TTC19: variants seen among roughly 807,000 people sequenced by gnomAD.
The protein encoded by TTC19 is tetratricopeptide repeat protein 19, mitochondrial.
Under a neutral mutation model 49.5 loss-of-function variants are expected in TTC19, and 38 were observed. That is an observed-to-expected ratio of 0.77 (90% CI 0.59 to 1.01). The LOEUF (loss-of-function observed/expected upper bound fraction) is 1.01. TTC19 is among the 50% of genes least tolerant of loss of function. The pLI, the probability that TTC19 is intolerant of heterozygous loss-of-function variation, is 0.00. For synonymous variants in TTC19, 204 were observed against 185.2 expected (o/e 1.10, Z -0.83); for missense variants, 475 against 477.7 (o/e 0.99, Z 0.05).
chr17:16,015,726 A>G (rs2151665568), intron 7 of TTC19, among the ~76,000 whole-genome samples: 1 of 152,280 alleles, frequency 6.6e-6, no homozygotes, highest in East Asian at 1.9e-4. Flanking sequence ...CTTCCTTATC[A>G]ATAAAATGAA....
intron 7 of TTC19, among the ~76,000 whole-genome samples, chr17:16,010,167 ATTTTT>A (rs1201745186): frequency 0.11 from 12,137 of 107,766 alleles, 473 homozygotes; most frequent in African/African-American, 0.33. Context: ...TTAATTTTTA[ATTTTT>A]TTTTTTTTTT....
In TTC19 at chr17:16,006,403, TC is replaced by T. The variant is rs1308560331; in HGVS notation, c.582-69del. On this transcript the variant is annotated intron_variant, in intron 6 of 9. Coordinates refer to ENST00000261647, the MANE Select transcript of TTC19 (RefSeq NM_017775.4). ...CCAGCCTGGGCAACAAGAGCGAAAC[TC>T]CATCTCAACAGAAGGAAGAAAAAAA... 5.2e-6 allele frequency: 6 copies of T among 1,147,742 alleles called. No homozygotes were observed. The African/African-American group carries it at 9.2e-5, about 18-fold the overall frequency. 71.1% of individuals were successfully genotyped at this position (1,147,742 alleles called of 1,614,324 possible).
At chr17:16,039,057 C>T (rs187619373) in intron 2 of TTC19, among the ~76,000 whole-genome samples, 31 of 152,342 alleles carry the variant, frequency 2.0e-4, no homozygotes, top group Admixed American at 9.1e-4. Context: ...GCGTGAACCA[C>T]CGCACCCGGC....
At chr17:16,038,435 CT>C (rs34997322) in intron 2 of TTC19, among the ~76,000 whole-genome samples, 84,828 of 149,330 alleles carry the variant, frequency 0.57, 24,353 homozygotes, top group African/African-American at 0.63. Flanking sequence ...TTTTCCTACT[CT>C]TTTTTTTTTT....
At chr17:16,020,406 A>G (rs1244170206) in intron 7 of TTC19, among the ~76,000 whole-genome samples, 1 of 151,938 alleles carries the variant, frequency 6.6e-6, no homozygotes, top group Non-Finnish European at 1.5e-5. Context: ...GTATTCGATC[A>G]TTTTGTATTT....
Position 16,000,195 on chromosome 17 carries a change from G to C in TTC19, c.262G>C (p.Gly88Arg), listed in dbSNP as rs761879345. The C allele has an allele frequency of 3.8e-6, 6 of 1,594,038 alleles. No homozygotes were observed. Among genetic ancestry groups the C allele is most frequent in the East Asian group, 2.2e-5 (1 of 44,834 alleles). Residue 88 changes from glycine (G) to arginine (R), a missense_variant, in exon 2 of 10, where the codon GGG (glycine) becomes CGG (arginine). Physicochemically the swap from Gly to Arg is moderately radical, Grantham distance 125. Transcript: ENST00000261647. ...QGADGAAAED[G>R]ADEAEAEIIQ... The stretch of plus-strand genomic sequence containing the variant: ...AGCCGACGGGGCCGCTGCCGAGGAC[G>C]GGGCGGACGAGGCCGAGGCAGAGAT...
chr17:16,002,867 A>T, intron 4 of TTC19, 36 bp downstream of exon 4: 1 of 1,595,756 alleles, frequency 6.3e-7, no homozygotes, highest in Non-Finnish European at 8.6e-7. Context: ...TGAATTTATG[A>T]AGGAGTAGCT....
At chr17:16,022,944 A>G (rs573507588) in intron 7 of TTC19, among the ~76,000 whole-genome samples, 4 of 152,108 alleles carry the variant, frequency 2.6e-5, no homozygotes, top group Non-Finnish European at 4.4e-5. Flanking sequence ...ATTCCAATAT[A>G]TTTCTCAGTT....
intron 2 of TTC19, among the ~76,000 whole-genome samples, chr17:16,001,560 C>T (rs1970734462): frequency 6.6e-6 from 1 of 152,174 alleles, no homozygotes; most frequent in Non-Finnish European, 1.5e-5. Context: ...TAGCTCTTAT[C>T]ATTAGTTGTA....
intron 2 of TTC19, chr17:16,034,702 TAA>T: frequency 7.1e-7 from 1 of 1,417,894 alleles, no homozygotes; most frequent in Non-Finnish European, 9.7e-7. Flanking sequence ...TTTGAAGAAC[TAA>T]TAACCAAGAC....
intron 6 of TTC19, among the ~76,000 whole-genome samples, chr17:16,005,305 C>T (rs1256275411): frequency 6.6e-6 from 1 of 152,210 alleles, no homozygotes; most frequent in Non-Finnish European, 1.5e-5. Context: ...GGAGCGTCTT[C>T]TGGGCAGTGT....
At chr17:16,021,206 T>C (rs1207976964) in intron 7 of TTC19, among the ~76,000 whole-genome samples, 1 of 152,084 alleles carries the variant, frequency 6.6e-6, no homozygotes, top group Admixed American at 6.5e-5. Context: ...GCAAATATTG[T>C]GAAACCCCGT....
intron 2 of TTC19, 122 bp from the exon 3 acceptor site, chr17:16,001,793 T>C: frequency 2.8e-6 from 2 of 721,726 alleles, no homozygotes; most frequent in South Asian, 1.5e-5. Flanking sequence ...ATTCAGTAAA[T>C]GTCTGATGAA....
chr17:16,030,014 C>T (rs1423236473), downstream of TTC19: 1 of 170,392 alleles, frequency 5.9e-6, no homozygotes, highest in Non-Finnish European at 1.3e-5. Flanking sequence ...GTCAAAAATC[C>T]ACATCTAACT....
At chr17:16,039,623 A>T (rs1302586495) in intron 2 of TTC19, 1 of 1,614,148 alleles carries the variant, frequency 6.2e-7, no homozygotes, top group Non-Finnish European at 8.5e-7. Context: ...TGGCAGGATC[A>T]GCAAAAGAAT....
At chr17:16,034,333 C>T (rs957310403), downstream of TTC19, among the ~76,000 whole-genome samples, 3 of 152,120 alleles carry the variant, frequency 2.0e-5, no homozygotes, top group African/African-American at 7.2e-5. Flanking sequence ...TGGTTGACTC[C>T]TGTAATACTA....
intron 4 of TTC19, 96 bp downstream of exon 4, chr17:16,002,927 A>G (rs1263724369): frequency 1.1e-5 from 13 of 1,142,350 alleles, no homozygotes; most frequent in Non-Finnish European, 1.7e-5. Flanking sequence ...TATAACAAAG[A>G]GACCCTAGAA....
chr17:16,034,637 T>C lies in TTC19; in HGVS notation c.247+7935T>C, dbSNP rs1680711285. 2.6e-5 allele frequency: 22 copies of C among 849,858 alleles called. No individual in the cohort carries two copies. The South Asian group carries it at 3.8e-4, about 15-fold the overall frequency. 52.6% of individuals were successfully genotyped at this position (849,858 alleles called of 1,614,324 possible). ...TACTTCTATTCGGGAAAGTGGAACA[T>C]ATTAATGATACAGAAATGGGAATAT... is the stretch of plus-strand genomic sequence containing the variant. On this transcript the variant is annotated intron_variant, in intron 2 of 2. Transcript: ENST00000470649.
At position 16,025,098 on chromosome 17, in the gene TTC19, C is replaced by T. The variant is rs78882347; in HGVS notation, c.758C>T (p.Pro253Leu). The T allele has an allele frequency of 1.5e-3, 2,460 of 1,613,836 alleles. 37 individuals carry two copies. In the African/African-American group the frequency reaches 0.029, roughly 19 times the overall value. Residue 253 changes from proline to leucine, a missense_variant, in exon 8 of 10, where the codon CCG becomes CTG. Physicochemically the swap from Pro to Leu is moderately conservative, Grantham distance 98. Coordinates refer to ENST00000261647, the MANE Select transcript of TTC19 (RefSeq NM_017775.4). Reference protein sequence around the residue: ...CARYLLFSKQPSQAQRMYEKA... With the variant: ...CARYLLFSKQLSQAQRMYEKA... ...CGCTACCTTCTGTTCTCCAAGCAGC[C>T]GTCACAGGCACAAAGGATGTATGAA...
Sources: allele counts gnomAD v4.1 joint callset (sites outside exome capture counted in the v4.1 genomes callset), GRCh38; gene constraint gnomAD v4.1.1; transcripts MANE v1.5; gene names NCBI Gene and HGNC (gene_info 2026-07-23, HGNC 2026-07-21).